CHAF1A: variants seen among roughly 807,000 people sequenced by gnomAD.
CHAF1A encodes chromatin assembly factor 1 subunit A, also known as CAF-1 subunit A.
In CHAF1A, 5 loss-of-function variants were observed where a neutral mutation model predicts 93.2. That is an observed-to-expected ratio of 0.05 (90% CI 0.03 to 0.11). The LOEUF is 0.11. Among genes scored for constraint, CHAF1A ranks in the 10% least tolerant of loss-of-function variants. The pLI is 1.00. For synonymous variants in CHAF1A, 504 were observed against 510.3 expected, an observed-to-expected ratio of 0.99 and a Z score of 0.17; for missense variants, 1,102 against 1,259.9, an observed-to-expected ratio of 0.87 and a Z score of 1.90.
At chr19:4,448,525 C>T (rs560375677), downstream of CHAF1A, 44 of 875,616 alleles carry the variant, frequency 5.0e-5, no homozygotes, top group Admixed American at 1.0e-4. Flanking sequence ...CGGCTTGGAG[C>T]GGCCCCAGCT....
chr19:4,445,653 A>C, downstream of CHAF1A: 1 of 1,599,750 alleles, frequency 6.3e-7, no homozygotes, highest in East Asian at 2.2e-5. Flanking sequence ...TCACTCTGAG[A>C]CCGAGAGTCG....
At chr19:4,430,968 T>TTG (rs1974171919) in intron 11 of CHAF1A, 1 of 296,184 alleles carries the variant, frequency 3.4e-6, no homozygotes, top group Non-Finnish European at 6.6e-6. Context: ...GACATGTGCA[T>TTG]TGTAAGTGTT....
intron 3 of CHAF1A, among the ~76,000 whole-genome samples, chr19:4,412,777 T>G (rs1374152681): frequency 1.3e-5 from 2 of 152,192 alleles, no homozygotes; most frequent in Admixed American, 6.5e-5. Context: ...GGGATGCACT[T>G]GAAGGCAATA....
intron 4 of CHAF1A, among the ~76,000 whole-genome samples, chr19:4,421,175 G>A (rs1973984536): frequency 6.6e-6 from 1 of 152,210 alleles, no homozygotes; most frequent in South Asian, 2.1e-4. Flanking sequence ...GGGTTTAAGC[G>A]ATCCTTGTGC....
chr19:4,445,975 G>C (rs186087815), downstream of CHAF1A: 355 of 1,525,682 alleles, frequency 2.3e-4, no homozygotes, highest in Admixed American at 2.1e-3. Context: ...CTCCCTCCTG[G>C]GGGTGTCTGT....
intron 13 of CHAF1A, among the ~76,000 whole-genome samples, chr19:4,439,547 G>T (rs1043003701): frequency 6.6e-6 from 1 of 152,164 alleles, no homozygotes; most frequent in Non-Finnish European, 1.5e-5. Flanking sequence ...GAAAAATTTT[G>T]GATCCAAGAA....
At chr19:4,418,965 C>T (rs894789785) in intron 4 of CHAF1A, among the ~76,000 whole-genome samples, 2 of 150,770 alleles carry the variant, frequency 1.3e-5, no homozygotes, top group East Asian at 3.9e-4. Flanking sequence ...CGGGTTCAAG[C>T]GGTTCTTCTG....
At chr19:4,413,936 A>G (rs1973853314) in intron 3 of CHAF1A, among the ~76,000 whole-genome samples, 1 of 152,218 alleles carries the variant, frequency 6.6e-6, no homozygotes, top group Non-Finnish European at 1.5e-5. Context: ...TGAAGTTTGC[A>G]ATCAGACTTG....
At chr19:4,439,930 A>G (rs984170115) in intron 13 of CHAF1A, among the ~76,000 whole-genome samples, 3 of 152,202 alleles carry the variant, frequency 2.0e-5, no homozygotes, top group Non-Finnish European at 2.9e-5. Flanking sequence ...GGGTCAACCC[A>G]TGCTGCCTGG....
chr19:4,421,673 G>A (rs941506388), intron 4 of CHAF1A, among the ~76,000 whole-genome samples: 3 of 152,124 alleles, frequency 2.0e-5, no homozygotes, highest in Non-Finnish European at 4.4e-5. Context: ...CTACTCAGGA[G>A]CCTGAGGTGG....
At chr19:4,426,323 A>G (rs1974080525) in intron 7 of CHAF1A, among the ~76,000 whole-genome samples, 1 of 151,450 alleles carries the variant, frequency 6.6e-6, no homozygotes, top group Non-Finnish European at 1.5e-5. Context: ...GCCCGCCACC[A>G]TGCCCCGCTA....
At chr19:4,445,998 A>G (rs760510578), downstream of CHAF1A, 3 of 1,549,738 alleles carry the variant, frequency 1.9e-6, no homozygotes, top group Non-Finnish European at 2.6e-6. Flanking sequence ...CGGTCCCAGG[A>G]GAACCTGCAG....
rs548944009 is a variant in CHAF1A at position 4,422,920 on chromosome 19, T to C, written c.1247+125T>C. The C allele has an allele frequency of 2.1e-6, 2 of 938,874 alleles. No homozygotes were observed. The highest frequency in any genetic ancestry group is 2.6e-5 in the East Asian group (1 of 38,286). 58.2% of individuals were successfully genotyped at this position (938,874 alleles called of 1,614,324 possible). A position where few individuals can be genotyped will look rare whatever the true frequency, so the allele number is the denominator to read the frequency against. On this transcript the variant is annotated intron_variant, in intron 5 of 14. Coordinates refer to ENST00000301280, the MANE Select transcript of CHAF1A (RefSeq NM_005483.3). The surrounding 1 kb of genome is among the most constrained non-coding windows in gnomAD (Gnocchi z 4.6). Reference sequence around the variant, plus strand: ...GCTCCCTTCAGTTCCTTCCCATTTCTCCTTCGTGAGGTGCCCGTGGGGCCC... The same window carrying C: ...GCTCCCTTCAGTTCCTTCCCATTTCCCCTTCGTGAGGTGCCCGTGGGGCCC...
chr19:4,417,282 T>C (rs1973911684), intron 3 of CHAF1A, among the ~76,000 whole-genome samples: 1 of 151,996 alleles, frequency 6.6e-6, no homozygotes, highest in African/African-American at 2.4e-5. Context: ...TGTCCATTTT[T>C]AAACACCTAA....
intron 8 of CHAF1A, 135 bp from the exon 9 acceptor site, chr19:4,429,303 G>C: frequency 1.0e-6 from 1 of 997,010 alleles, no homozygotes; most frequent in South Asian, 1.7e-5. Context: ...TTTCTTTGGG[G>C]ACAGGCAGTG....
chr19:4,423,959 G>A, intron 7 of CHAF1A, 85 bp downstream of exon 7: 1 of 1,321,808 alleles, frequency 7.6e-7, no homozygotes, highest in Non-Finnish European at 1.1e-6. Context: ...TCCCCAGCCA[G>A]CTTCTCTCAT....
Position 4,410,386 on chromosome 19 carries a change from C to CTTTT in CHAF1A, c.960+640_960+643dup, listed in dbSNP as rs71166992. On this transcript the variant is annotated intron_variant, in intron 3 of 14. Transcript: ENST00000301280. ...ACACCATCTCTATGAAAAAAAATTA[C>CTTTT]TTTTTTTTTTTTTTTTGACAGAGTC... Among the ~76,000 whole-genome samples, 8 of 137,516 alleles carry CTTTT rather than the reference C, an allele frequency of 5.8e-5. 1 individual carries two copies. The highest frequency in any genetic ancestry group is 2.3e-4 in the South Asian group (1 of 4,286). 90.2% of individuals were successfully genotyped at this position (137,516 alleles called of 152,430 possible). A position where few individuals can be genotyped will look rare whatever the true frequency, so the allele number is the denominator to read the frequency against.
At chr19:4,447,798 G>T, downstream of CHAF1A, 7 of 652,380 alleles carry the variant, frequency 1.1e-5, no homozygotes, top group Non-Finnish European at 1.9e-5. Context: ...GGCACACCTC[G>T]GACACCCCAT....
chr19:4,424,242 T>C (rs939270050), intron 7 of CHAF1A, among the ~76,000 whole-genome samples: 1 of 152,196 alleles, frequency 6.6e-6, no homozygotes, highest in Admixed American at 6.6e-5. Context: ...TTTCCCTGCC[T>C]GGCGTCGGTC....
Sources: gnomAD v4.1 joint callset for allele counts (sites outside exome capture counted in the v4.1 genomes callset) on GRCh38, gnomAD v4.1.1 for gene constraint, Gnocchi (gnomAD v3.1) non-coding constraint, MANE v1.5 for transcripts, NCBI Gene and HGNC (gene_info 2026-07-23, HGNC 2026-07-21) for gene names.